Variants in LDLRAD3 observed in about 807,000 individuals in gnomAD.
The protein encoded by LDLRAD3 is low density lipoprotein receptor class A domain containing 3.
A neutral mutation model predicts 29.4 loss-of-function variants in LDLRAD3; 20 were observed. The ratio of observed to expected loss-of-function variants is 0.68; its 90% CI spans 0.48 to 0.99. LDLRAD3 has a LOEUF of 0.99. Ranked by LOEUF, LDLRAD3 falls within the 50% of genes least tolerant of loss-of-function variation. The pLI is 0.00. For synonymous variants in LDLRAD3, 157 were observed against 192.7 expected, an observed-to-expected ratio of 0.81 and a Z score of 1.53; for missense variants, 420 against 454.3, an observed-to-expected ratio of 0.92 and a Z score of 0.69.
chr11:36,178,738 A>G (rs1032041203), intron 4 of LDLRAD3, among the ~76,000 whole-genome samples: 17 of 152,304 alleles, frequency 1.1e-4, no homozygotes, highest in Non-Finnish European at 2.4e-4. Flanking sequence ...TTCAAGACTC[A>G]AATACCACCT....
Position 36,229,533 on chromosome 11 carries a change from G to T in LDLRAD3, c.*136G>T. The T allele has an allele frequency of 1.5e-6, 1 of 650,442 alleles. No homozygotes were observed. The highest frequency in any genetic ancestry group is 2.7e-6 in the Non-Finnish European group (1 of 369,154). 40.3% of individuals were successfully genotyped at this position (650,442 alleles called of 1,614,324 possible). A position where few individuals can be genotyped will look rare whatever the true frequency, so the allele number is the denominator to read the frequency against. ...ACAGTTTGGGATATTAACTATCTCT[G>T]CATTCCCCTCCTCCCCCAGACTTCA... On this transcript the variant is annotated 3_prime_UTR_variant, in exon 6 of 6. Coordinates refer to ENST00000315571, the MANE Select transcript of LDLRAD3 (RefSeq NM_174902.4).
chr11:35,996,384 T>C (rs1051818903), intron 1 of LDLRAD3, among the ~76,000 whole-genome samples: 1 of 152,098 alleles, frequency 6.6e-6, no homozygotes, highest in African/African-American at 2.4e-5. Context: ...ATGGGTGTGG[T>C]TTGAGGTGCC....
chr11:35,965,830 A>T (rs1442304865), intron 1 of LDLRAD3, among the ~76,000 whole-genome samples: 1 of 152,202 alleles, frequency 6.6e-6, no homozygotes, highest in Admixed American at 6.5e-5. Context: ...AAAAGAAGAA[A>T]ATCCAACAGT....
intron 1 of LDLRAD3, among the ~76,000 whole-genome samples, chr11:36,017,024 C>T (rs536654946): frequency 6.6e-6 from 1 of 152,338 alleles, no homozygotes; most frequent in Admixed American, 6.5e-5. Context: ...AGCGATGATA[C>T]CAACCATTTA....
At chr11:36,145,225 C>CG (rs574374937) in intron 4 of LDLRAD3, among the ~76,000 whole-genome samples, 69,833 of 70,794 alleles carry the variant, frequency 0.99, 34,451 homozygotes, top group Middle Eastern at 1. Flanking sequence ...GCCCCCCACC[C>CG]GCCAGCCGCC....
intron 4 of LDLRAD3, among the ~76,000 whole-genome samples, chr11:36,111,986 G>C (rs1278579873): frequency 6.6e-6 from 1 of 152,184 alleles, no homozygotes; most frequent in Non-Finnish European, 1.5e-5. Context: ...TTGAGATTTT[G>C]TGCCCTTTAT....
At chr11:36,060,878 A>G (rs188377727) in intron 2 of LDLRAD3, among the ~76,000 whole-genome samples, 2 of 152,294 alleles carry the variant, frequency 1.3e-5, no homozygotes, top group Admixed American at 6.5e-5. Context: ...CACATTTTAA[A>G]CTATTTATTT....
intron 4 of LDLRAD3, among the ~76,000 whole-genome samples, chr11:36,216,139 T>G (rs962967920): frequency 2.0e-5 from 3 of 152,200 alleles, no homozygotes; most frequent in African/African-American, 7.2e-5. Flanking sequence ...TGGGCCTCAC[T>G]GTATCACGAG....
At chr11:36,040,325 A>G (rs1467366221) in intron 2 of LDLRAD3, among the ~76,000 whole-genome samples, 1 of 152,002 alleles carries the variant, frequency 6.6e-6, no homozygotes, top group African/African-American at 2.4e-5. Context: ...CGTGACGGTA[A>G]TAAGATCACA....
intron 4 of LDLRAD3, among the ~76,000 whole-genome samples, chr11:36,193,065 A>G (rs1243661292): frequency 6.6e-6 from 1 of 152,228 alleles, no homozygotes; most frequent in Non-Finnish European, 1.5e-5. Flanking sequence ...CACCTATCAT[A>G]CATTAGCTAT....
chr11:35,952,543 C>CA (rs1851149745), intron 1 of LDLRAD3, among the ~76,000 whole-genome samples: 1 of 152,062 alleles, frequency 6.6e-6, no homozygotes, highest in East Asian at 1.9e-4. Flanking sequence ...ATTTATTAAA[C>CA]AAAAATAAGA....
intron 4 of LDLRAD3, among the ~76,000 whole-genome samples, chr11:36,139,631 C>T (rs534215859): frequency 2.0e-5 from 3 of 152,226 alleles, no homozygotes; most frequent in Non-Finnish European, 2.9e-5. Context: ...GTAACTTACC[C>T]GTAGTCACAC....
At chr11:36,019,861 A>C (rs1314107011) in intron 1 of LDLRAD3, among the ~76,000 whole-genome samples, 18 of 152,168 alleles carry the variant, frequency 1.2e-4, no homozygotes, top group Admixed American at 1.2e-3. Context: ...GCGGTCTGCC[A>C]CCCAGTGCAG....
At chr11:36,003,012 A>G (rs1224527560) in intron 1 of LDLRAD3, among the ~76,000 whole-genome samples, 2 of 152,270 alleles carry the variant, frequency 1.3e-5, no homozygotes, top group Non-Finnish European at 2.9e-5. Context: ...AACCGTACAC[A>G]TTTCCAATTA....
intron 4 of LDLRAD3, among the ~76,000 whole-genome samples, chr11:36,145,111 G>A (rs1590306057): frequency 1.9e-5 from 2 of 107,122 alleles, no homozygotes; most frequent in African/African-American, 8.0e-5. Flanking sequence ...GGAGGTTGGG[G>A]GGTCAGCCCC....
intron 4 of LDLRAD3, among the ~76,000 whole-genome samples, chr11:36,205,143 A>G (rs995060384): frequency 3.9e-5 from 6 of 152,176 alleles, no homozygotes; most frequent in Admixed American, 2.0e-4. Context: ...CCTTATTCTT[A>G]ATGGTAACAG....
chr11:36,095,884 G>A (rs1565218861), intron 3 of LDLRAD3, among the ~76,000 whole-genome samples: 1 of 152,198 alleles, frequency 6.6e-6, no homozygotes, highest in East Asian at 1.9e-4. Flanking sequence ...TCCTAGAGAA[G>A]CTGAAGGCCA....
intron 1 of LDLRAD3, among the ~76,000 whole-genome samples, chr11:35,998,586 C>G (rs1195688539): frequency 6.6e-6 from 1 of 152,114 alleles, no homozygotes; most frequent in East Asian, 1.9e-4. Flanking sequence ...AGAGGAGTAT[C>G]CTGGATTCAC....
intron 4 of LDLRAD3, among the ~76,000 whole-genome samples, chr11:36,114,184 G>A (rs1853643572): frequency 6.6e-6 from 1 of 152,148 alleles, no homozygotes. Context: ...ACTTTTAGAA[G>A]ACTTTTAGAA....
Sources: allele counts gnomAD v4.1 joint callset (sites outside exome capture counted in the v4.1 genomes callset), GRCh38; gene constraint gnomAD v4.1.1; transcripts MANE v1.5; gene names NCBI Gene and HGNC (gene_info 2026-07-23, HGNC 2026-07-21).